FKBP8: variants seen among roughly 807,000 people sequenced by gnomAD.
FKBP8 encodes peptidyl-prolyl cis-trans isomerase FKBP8.
FKBP8 carries 5 observed loss-of-function variants against 41.7 expected under a neutral mutation model. That is an observed-to-expected ratio of 0.12 (90% confidence interval 0.06 to 0.25). FKBP8 has a LOEUF of 0.25. FKBP8 is among the 10% of genes least tolerant of loss of function. The pLI is 1.00. For synonymous variants in FKBP8, 279 were observed against 254.5 expected (o/e 1.10, Z -0.92); for missense variants, 397 against 563.0 (o/e 0.71, Z 2.98).
In FKBP8 at chr19:18,535,776, G is replaced by C. The variant is rs548346572; in HGVS notation, c.945+1825C>G. On this transcript the variant is annotated intron_variant, in intron 6 of 8. Transcript: ENST00000608443. Reference sequence around the variant, plus strand: ...AAGATGGAAATCTGTAACTTTCCAGGGGGGAGGGGGGAGCATCATGGTCAC... The same window carrying C: ...AAGATGGAAATCTGTAACTTTCCAGCGGGGAGGGGGGAGCATCATGGTCAC... 4.8e-3 allele frequency among the ~76,000 whole-genome samples: 721 copies of C among 151,656 alleles called. 5 individuals are homozygous for C. Among genetic ancestry groups the C allele is most frequent in the Non-Finnish European group, 6.6e-3 (446 of 67,890 alleles).
intron 8 of FKBP8, 179 bp downstream of exon 8, chr19:18,532,485 C>T: frequency 1.9e-6 from 2 of 1,049,046 alleles, no homozygotes; most frequent in Non-Finnish European, 2.7e-6. Flanking sequence ...CACCCCCAGC[C>T]CTCCAGCTTG....
At chr19:18,533,062 C>T in intron 7 of FKBP8, 1 of 677,300 alleles carries the variant, frequency 1.5e-6, no homozygotes, top group Non-Finnish European at 2.4e-6. Flanking sequence ...GCTGGCAGTG[C>T]CCTCAGCTGC....
chr19:18,538,061 G>T lies in FKBP8; in HGVS notation c.772+155C>A. On this transcript the variant is annotated intron_variant, in intron 5 of 8. Coordinates refer to ENST00000608443, the MANE Select transcript of FKBP8 (RefSeq NM_012181.5). The surrounding 1 kb of genome is among the most constrained non-coding windows in gnomAD (Gnocchi z 4.0). ...CTGGTCTGGGATATACCACGAGTCTGTAACAGGCCCTAGCTTAGGGGCAGT... is the reference window on the plus strand; with the variant it reads ...CTGGTCTGGGATATACCACGAGTCTTTAACAGGCCCTAGCTTAGGGGCAGT... 1 of 832,968 alleles carries T rather than the reference G, an allele frequency of 1.2e-6. No homozygotes were observed. Among genetic ancestry groups the T allele is most frequent in the Non-Finnish European group, 1.9e-6 (1 of 528,280 alleles). 51.6% of individuals were successfully genotyped at this position (832,968 alleles called of 1,614,324 possible).
chr19:18,538,049 T>C lies in FKBP8; in HGVS notation c.772+167A>G. ...TACAACACTCCACTGGTCTGGGATA[T>C]ACCACGAGTCTGTAACAGGCCCTAG... is the stretch of plus-strand genomic sequence containing the variant. On this transcript the variant is annotated intron_variant, in intron 5 of 8. Coordinates refer to ENST00000608443, the MANE Select transcript of FKBP8 (RefSeq NM_012181.5). The surrounding 1 kb of genome is among the most constrained non-coding windows in gnomAD (Gnocchi z 4.0). The C allele has an allele frequency of 1.3e-6, 1 of 771,054 alleles. No homozygotes were observed. The highest frequency in any genetic ancestry group is 1.7e-5 in the African/African-American group (1 of 57,402). 47.8% of individuals were successfully genotyped at this position (771,054 alleles called of 1,614,324 possible).
chr19:18,532,793 C>A lies in FKBP8; in HGVS notation c.1026G>T (p.Thr342=). Residue 342 remains threonine, a splice_region_variant and synonymous_variant, in exon 8 of 9, where the codon ACG becomes ACT. Coordinates refer to ENST00000608443, the MANE Select transcript of FKBP8 (RefSeq NM_012181.5). Reference sequence around the variant, plus strand: ...CCAGCTTTGAGAGCTCTGCGTGGATCGTCTGCAGAAGGCAGGGGAAGCTGA... The same window carrying A: ...CCAGCTTTGAGAGCTCTGCGTGGATAGTCTGCAGAAGGCAGGGGAAGCTGA... ...AALKLEPSNK[T]IHAELSKLVK... 6.2e-7 allele frequency: 1 copy of A among 1,613,726 alleles called. No homozygotes were observed.
intron 1 of FKBP8, chr19:18,543,139 G>A (rs1976747508): frequency 3.8e-5 from 10 of 264,326 alleles, no homozygotes; most frequent in South Asian, 2.2e-4. Context: ...CCCCGGCCGG[G>A]CCCTCAGTCA....
intron 8 of FKBP8, 33 bp from the exon 9 acceptor site, chr19:18,532,288 A>C (rs768355655): frequency 6.4e-7 from 1 of 1,565,808 alleles, no homozygotes; most frequent in African/African-American, 1.3e-5. Flanking sequence ...AGAAGGGTGG[A>C]GGGAGGTCAA....
At position 18,533,367 on chromosome 19, in the gene FKBP8, G is replaced by A. The variant is rs763618330; in HGVS notation, c.946-20C>T. On this transcript the variant is annotated intron_variant, in intron 6 of 8. Transcript: ENST00000608443. ...CAGCACCTGTAAGGGGAAGGGGGTG[G>A]CATCACTCTGGACCCATACCTGGGC... The A allele has an allele frequency of 1.3e-6, 2 of 1,587,894 alleles. No homozygotes were observed. Among genetic ancestry groups the A allele is most frequent in the South Asian group, 1.1e-5 (1 of 87,252 alleles).
rs894942595 is a variant in FKBP8 at position 18,537,343 on chromosome 19, GAAAC to G, written c.945+254_945+257del. Among the ~76,000 whole-genome samples the G allele has an allele frequency of 1.9e-4, 29 of 151,946 alleles. No individual in the cohort carries two copies. The highest frequency in any genetic ancestry group is 4.2e-4 in the South Asian group (2 of 4,814). On this transcript the variant is annotated intron_variant, in intron 6 of 8. Coordinates refer to ENST00000608443, the MANE Select transcript of FKBP8 (RefSeq NM_012181.5). The surrounding 1 kb of genome is among the most constrained non-coding windows in gnomAD (Gnocchi z 4.4). ...GTGACAGAGTGAGACTCTGTCTCAAGAAACAAACAAACAAACAAACAAAAAACAC... is the reference window on the plus strand; with the variant it reads ...GTGACAGAGTGAGACTCTGTCTCAAGAAACAAACAAACAAACAAAAAACAC...
rs1399918191 is a variant in FKBP8, at chr19:18,531,862, G to C, written c.*307C>G. 3 of 381,202 alleles carry C rather than the reference G, an allele frequency of 7.9e-6. No homozygotes were observed. The highest frequency in any genetic ancestry group is 1.5e-5 in the Non-Finnish European group (3 of 202,480). The allele number at this position is 381,202 out of a possible 1,614,324, so 23.6% of individuals were successfully genotyped here. ...TGGCACTCAGGCGGGGACTAGGCAG[G>C]GGAAGGGCTGCCCCCAGGCCTGTTG... On this transcript the variant is annotated 3_prime_UTR_variant, in exon 9 of 9. Coordinates refer to ENST00000608443, the MANE Select transcript of FKBP8 (RefSeq NM_012181.5).
chr19:18,533,362 G>T lies in FKBP8; in HGVS notation c.946-15C>A. The T allele has an allele frequency of 1.3e-6, 2 of 1,594,174 alleles. No individual in the cohort carries two copies. The highest frequency in any genetic ancestry group is 1.1e-5 in the South Asian group (1 of 87,946). ...TGGGCCAGCACCTGTAAGGGGAAGGGGGTGGCATCACTCTGGACCCATACC... is the reference window on the plus strand; with the variant it reads ...TGGGCCAGCACCTGTAAGGGGAAGGTGGTGGCATCACTCTGGACCCATACC... On this transcript the variant is annotated splice_polypyrimidine_tract_variant and intron_variant, in intron 6 of 8. Transcript: ENST00000608443.
In FKBP8 at chr19:18,534,556, T is replaced by C. The variant is rs552471177; in HGVS notation, c.946-1209A>G. 6.6e-5 allele frequency among the ~76,000 whole-genome samples: 10 copies of C among 152,032 alleles called. No homozygotes were observed. The South Asian group carries it at 2.1e-3, about 32-fold the overall frequency. On this transcript the variant is annotated intron_variant, in intron 6 of 8. Coordinates refer to ENST00000608443, the MANE Select transcript of FKBP8 (RefSeq NM_012181.5). ...CCACCTCCACTGGCGAGAGGCCGAATGGATGCTTCCAGAGGTTGTTGTTTT... is the reference window on the plus strand; with the variant it reads ...CCACCTCCACTGGCGAGAGGCCGAACGGATGCTTCCAGAGGTTGTTGTTTT...
At chr19:18,536,389 T>G (rs1976577736) in intron 6 of FKBP8, among the ~76,000 whole-genome samples, 1 of 152,190 alleles carries the variant, frequency 6.6e-6, no homozygotes. Flanking sequence ...CACAGGGTCT[T>G]GCTCTGCTGC....
At position 18,538,423 on chromosome 19, in the gene FKBP8, T is replaced by A. The variant is rs753944406; in HGVS notation, c.565A>T (p.Ile189Phe). 2 of 1,611,996 alleles carry A rather than the reference T, an allele frequency of 1.2e-6. No homozygotes were observed. The highest frequency in any genetic ancestry group is 4.5e-5 in the East Asian group (2 of 44,862). Residue 189 changes from isoleucine (I) to phenylalanine (F), a missense_variant, in exon 5 of 9, where the codon ATC becomes TTC. By Grantham distance (21) the Ile-to-Phe change is conservative. This residue lies in a region of FKBP8 where 225 missense variants were observed against 366.8 expected (regional missense o/e 0.61). Coordinates refer to ENST00000608443, the MANE Select transcript of FKBP8 (RefSeq NM_012181.5). The surrounding 1 kb of genome is among the most constrained non-coding windows in gnomAD (Gnocchi z 4.0). ...AGGCACAGGGCCGCGTGCGGGGGGA[T>A]GTATGGGCTCCTGCTAGTTGGGTGG... ...YGPQGSRSPY[I>F]PPHAALCLEV...
Position 18,531,813 on chromosome 19 carries a change from G to T in FKBP8, c.*356C>A. On this transcript the variant is annotated 3_prime_UTR_variant, in exon 9 of 9. Transcript: ENST00000608443. ...TGTGGCGGGGAGGGAACCTGGACAG[G>T]GGGCGGCAGGCGGGGTGGGGGGCTG... 1 of 278,872 alleles carries T rather than the reference G, an allele frequency of 3.6e-6. No individual in the cohort carries two copies. The highest frequency in any genetic ancestry group is 4.4e-5 in the Admixed American group (1 of 22,822). The allele number at this position is 278,872 out of a possible 1,614,324, so 17.3% of individuals were successfully genotyped here. A position where few individuals can be genotyped will look rare whatever the true frequency, so the allele number is the denominator to read the frequency against.
rs1047896730 is a variant in FKBP8 at position 18,537,896 on chromosome 19, G to GGCTCTCCTTGGTCC, written c.773-124_773-123insGGACCAAGGAGAGC. The stretch of plus-strand genomic sequence containing the variant: ...CCCCAATTTTAACCCCGGACCAAGG[G>GGCTCTCCTTGGTCC]CCACGCTTTCCTGGGGCTCTCCTGA... On this transcript the variant is annotated intron_variant, in intron 5 of 8. Transcript: ENST00000608443. This position sits in a 1 kb window ranked among gnomAD's most constrained non-coding sequence, Gnocchi z 4.4. The GGCTCTCCTTGGTCC allele has an allele frequency of 2.8e-6, 3 of 1,069,516 alleles. No homozygotes were observed. The highest frequency in any genetic ancestry group is 4.0e-6 in the Non-Finnish European group (3 of 749,046). The allele number at this position is 1,069,516 out of a possible 1,614,324, so 66.3% of individuals were successfully genotyped here.
At position 18,538,077 on chromosome 19, in the gene FKBP8, T is replaced by C; in HGVS notation, c.772+139A>G. On this transcript the variant is annotated intron_variant, in intron 5 of 8. Coordinates refer to ENST00000608443, the MANE Select transcript of FKBP8 (RefSeq NM_012181.5). The surrounding 1 kb of genome is among the most constrained non-coding windows in gnomAD (Gnocchi z 4.0). ...CACGAGTCTGTAACAGGCCCTAGCT[T>C]AGGGGCAGTTGGGGATCTACCCATA... The C allele has an allele frequency of 1.1e-6, 1 of 939,054 alleles. No homozygotes were observed. The highest frequency in any genetic ancestry group is 1.6e-5 in the South Asian group (1 of 62,160). The allele number at this position is 939,054 out of a possible 1,614,324, so 58.2% of individuals were successfully genotyped here.
chr19:18,538,528 C>T lies in FKBP8; in HGVS notation c.552-92G>A. The T allele has an allele frequency of 9.4e-7, 1 of 1,061,716 alleles. No individual in the cohort carries two copies. The highest frequency in any genetic ancestry group is 1.4e-6 in the Non-Finnish European group (1 of 739,424). 65.8% of individuals were successfully genotyped at this position (1,061,716 alleles called of 1,614,324 possible). A position where few individuals can be genotyped will look rare whatever the true frequency, so the allele number is the denominator to read the frequency against. ...TAGGAAGGAGTGAGCTTGGCTCAAGCCCCCGATCTGTCTCCCCTCTGCCCT... is the reference window on the plus strand; with the variant it reads ...TAGGAAGGAGTGAGCTTGGCTCAAGTCCCCGATCTGTCTCCCCTCTGCCCT... On this transcript the variant is annotated intron_variant, in intron 4 of 8. Coordinates refer to ENST00000608443, the MANE Select transcript of FKBP8 (RefSeq NM_012181.5). The surrounding 1 kb of genome is among the most constrained non-coding windows in gnomAD (Gnocchi z 4.0).
intron 6 of FKBP8, among the ~76,000 whole-genome samples, chr19:18,533,559 G>C (rs562447551): frequency 6.6e-6 from 1 of 152,270 alleles, no homozygotes; most frequent in African/African-American, 2.4e-5. Context: ...ACAAAAATTA[G>C]CCAGGCGTGG....
Sources: allele counts gnomAD v4.1 joint callset (sites outside exome capture counted in the v4.1 genomes callset), GRCh38; gene constraint gnomAD v4.1.1; regional missense constraint gnomAD v4.1.1; non-coding constraint Gnocchi (gnomAD v3.1); transcripts MANE v1.5; gene names NCBI Gene and HGNC (gene_info 2026-07-23, HGNC 2026-07-21).